The following PPARA variants were observed in gnomAD, a reference collection of about 807,000 sequenced individuals.
PPARA encodes peroxisome proliferator activated receptor alpha.
A neutral mutation model predicts 42.2 loss-of-function variants in PPARA; 22 were observed. The ratio of observed to expected loss-of-function variants is 0.52; its 90% CI spans 0.37 to 0.74. The LOEUF (loss-of-function observed/expected upper bound fraction) is 0.74. PPARA is among the 30% of genes least tolerant of loss of function. The pLI is 0.00. For synonymous variants in PPARA, 242 were observed against 239.3 expected (o/e 1.01, Z -0.10); for missense variants, 465 against 608.2 (o/e 0.76, Z 2.48).
In PPARA at chr22:46,184,424, G is replaced by A. The variant is rs923791668; in HGVS notation, c.-43+7588G>A. On this transcript the variant is annotated intron_variant, in intron 3 of 8. Transcript: ENST00000407236. This position sits in a 1 kb window ranked among gnomAD's most constrained non-coding sequence, Gnocchi z 4.4. ...GTTACCTTTTAGTTACACTAATGGG[G>A]AAAACAGGAGCTTTGCTACCCTTGC... Among the ~76,000 whole-genome samples, 15 of 152,312 alleles carry A rather than the reference G, an allele frequency of 9.8e-5. No homozygotes were observed. The East Asian group carries it at 2.9e-3, about 29-fold the overall frequency.
At chr22:46,213,905 GTTGT>G (rs1246725035) in intron 4 of PPARA, among the ~76,000 whole-genome samples, 1 of 152,104 alleles carries the variant, frequency 6.6e-6, no homozygotes, top group Non-Finnish European at 1.5e-5. Context: ...TTTCAATTGA[GTTGT>G]TTGTTTTAAG....
chr22:46,218,881 T>C (rs919449417), intron 6 of PPARA, among the ~76,000 whole-genome samples: 2 of 135,618 alleles, frequency 1.5e-5, no homozygotes, highest in African/African-American at 5.6e-5. Context: ...AATAAAAGTC[T>C]CCCAGGTGCG....
chr22:46,218,835 CAAAAAA>C (rs749022835), intron 6 of PPARA, among the ~76,000 whole-genome samples: 1 of 69,314 alleles, frequency 1.4e-5, no homozygotes, highest in Non-Finnish European at 2.9e-5. Flanking sequence ...TTCCGTCTCA[CAAAAAA>C]AAAAAAAAGA....
chr22:46,164,683 T>C (rs1926773292), intron 2 of PPARA: 1 of 152,214 alleles, frequency 6.6e-6, no homozygotes, highest in Admixed American at 6.5e-5. Flanking sequence ...TGGCCCAGCA[T>C]AGGAGGTATT....
chr22:46,170,630 C>T (rs571961664), intron 2 of PPARA, among the ~76,000 whole-genome samples: 12 of 151,656 alleles, frequency 7.9e-5, no homozygotes, highest in African/African-American at 1.4e-4. Context: ...TTTTATTGAA[C>T]GTCTGCCTGG....
intron 4 of PPARA, among the ~76,000 whole-genome samples, chr22:46,214,515 G>A (rs1483603579): frequency 7.4e-6 from 1 of 135,748 alleles, no homozygotes; most frequent in Non-Finnish European, 1.6e-5. Context: ...AATGTGCAGA[G>A]CGGAGATGTG....
chr22:46,220,172 A>G (rs1934886742), intron 7 of PPARA, 158 bp downstream of exon 7: 3 of 888,414 alleles, frequency 3.4e-6, no homozygotes, highest in Non-Finnish European at 3.6e-6. Context: ...TGAGACTCTG[A>G]GCTGTAGCTT....
chr22:46,222,604 C>T lies in PPARA; in HGVS notation c.711+2590C>T, dbSNP rs995464751. Among the ~76,000 whole-genome samples the T allele has an allele frequency of 6.6e-6, 1 of 152,136 alleles. No homozygotes were observed. The highest frequency in any genetic ancestry group is 1.9e-4 in the East Asian group (1 of 5,202). ...TCCCAATTAGAACTTTCCTGGATTA[C>T]GAGAGTGAAAGAAAAGGTAACTTTT... On this transcript the variant is annotated intron_variant, in intron 7 of 8. Transcript: ENST00000407236. The surrounding 1 kb of genome is among the most constrained non-coding windows in gnomAD (Gnocchi z 5.9).
chr22:46,220,110 ATATT>A (rs1569241312), intron 7 of PPARA, 96 bp downstream of exon 7: 1 of 1,371,882 alleles, frequency 7.3e-7, no homozygotes, highest in East Asian at 2.4e-5. Flanking sequence ...TGAGAAAATT[ATATT>A]TATCCCACAG....
intron 2 of PPARA, chr22:46,155,025 A>C (rs1925076213): frequency 1.4e-5 from 2 of 142,042 alleles, no homozygotes; most frequent in South Asian, 2.2e-4. Context: ...AAAAAAAAAA[A>C]AACCACATTA....
rs772166504 is a variant in PPARA, at chr22:46,240,118, CTCT to C, written c.*4741_*4743del. ...GCTGGCCACCTTCAACAGCTGGTACCTCTTCAACAGTGTGGCCTTTCAAAATGC... is the reference window on the plus strand; with the variant it reads ...GCTGGCCACCTTCAACAGCTGGTACCTCAACAGTGTGGCCTTTCAAAATGC... On this transcript the variant is annotated 3_prime_UTR_variant, in exon 9 of 9. Coordinates refer to ENST00000407236, the MANE Select transcript of PPARA (RefSeq NM_005036.6). This position sits in a 1 kb window ranked among gnomAD's most constrained non-coding sequence, Gnocchi z 6.0. The C allele has an allele frequency of 2.0e-4, 80 of 398,852 alleles. No homozygotes were observed. Among genetic ancestry groups the C allele is most frequent in the Non-Finnish European group, 2.8e-4 (64 of 226,390 alleles). 24.7% of individuals were successfully genotyped at this position (398,852 alleles called of 1,614,324 possible).
chr22:46,152,905 T>A lies in PPARA; in HGVS notation c.-127+935T>A, dbSNP rs539942071. On this transcript the variant is annotated intron_variant, in intron 2 of 8. Transcript: ENST00000407236. ...TTCGAGACCAGCCTGGCCAACATGG[T>A]GAAACCTTGTCTCTACAAAAAAATA... Among the ~76,000 whole-genome samples the A allele has an allele frequency of 2.3e-3, 350 of 152,208 alleles. 6 individuals are homozygous for A. The highest frequency in any genetic ancestry group is 5.9e-4 in the Non-Finnish European group (40 of 68,008).
intron 1 of PPARA, among the ~76,000 whole-genome samples, chr22:46,151,604 A>G (rs1924443954): frequency 2.0e-5 from 3 of 152,386 alleles, no homozygotes; most frequent in South Asian, 4.1e-4. Context: ...CAGTTGTCCA[A>G]TGGCCTGGGC....
rs1935868305 is a variant in PPARA, at chr22:46,231,489, G to A, written c.712-303G>A. ...ACCCACCTCAGCCTCCCAAAGTTCT[G>A]GGATTACAGGCGTGAGCCACCATGC... On this transcript the variant is annotated intron_variant, in intron 7 of 8. Transcript: ENST00000407236. This position sits in a 1 kb window ranked among gnomAD's most constrained non-coding sequence, Gnocchi z 7.7. Among the ~76,000 whole-genome samples the A allele has an allele frequency of 6.6e-6, 1 of 152,132 alleles. No homozygotes were observed. Among genetic ancestry groups the A allele is most frequent in the South Asian group, 2.1e-4 (1 of 4,828 alleles).
rs549673229 is a variant in PPARA, at chr22:46,161,948, C to T, written c.-127+9978C>T. ...CCCGCCTTCCAGATGTCACCTGGGC[C>T]CTCCCGGAGGCCCTCGCCCTCAGTG... On this transcript the variant is annotated intron_variant, in intron 2 of 8. Transcript: ENST00000407236. The surrounding 1 kb of genome is among the most constrained non-coding windows in gnomAD (Gnocchi z 4.8). Among the ~76,000 whole-genome samples the T allele has an allele frequency of 7.1e-4, 108 of 152,256 alleles. 2 individuals carry two copies. The South Asian group carries it at 0.022, about 31-fold the overall frequency.
At chr22:46,209,800 C>T (rs1933741839) in intron 4 of PPARA, among the ~76,000 whole-genome samples, 1 of 152,126 alleles carries the variant, frequency 6.6e-6, no homozygotes, top group South Asian at 2.1e-4. Flanking sequence ...GGCTGGAGCG[C>T]AGTGGCATGA....
rs1935781716 is a variant in PPARA at position 46,230,354 on chromosome 22, A to G, written c.712-1438A>G. Among the ~76,000 whole-genome samples, 1 of 148,860 alleles carries G rather than the reference A, an allele frequency of 6.7e-6. No individual in the cohort carries two copies. The highest frequency in any genetic ancestry group is 1.5e-5 in the Non-Finnish European group (1 of 67,840). On this transcript the variant is annotated intron_variant, in intron 7 of 8. Coordinates refer to ENST00000407236, the MANE Select transcript of PPARA (RefSeq NM_005036.6). The surrounding 1 kb of genome is among the most constrained non-coding windows in gnomAD (Gnocchi z 5.0). ...CCATTGCACTCCAGCCTGGGCAACA[A>G]GAGCAAAACTCTGTCTCAAAAAAAA... is the stretch of plus-strand genomic sequence containing the variant.
rs1936074616 is a variant in PPARA at position 46,234,232 on chromosome 22, C to T, written c.1160-901C>T. On this transcript the variant is annotated intron_variant, in intron 8 of 8. Transcript: ENST00000407236. This position sits in a 1 kb window ranked among gnomAD's most constrained non-coding sequence, Gnocchi z 5.8. ...TTCCAGTCCAGCCTAAGCAACAGAGCAAGACCCCATCACTAAAACAATACA... is the reference window on the plus strand; with the variant it reads ...TTCCAGTCCAGCCTAAGCAACAGAGTAAGACCCCATCACTAAAACAATACA... Among the ~76,000 whole-genome samples the T allele has an allele frequency of 6.6e-6, 1 of 152,090 alleles. No individual in the cohort carries two copies. The highest frequency in any genetic ancestry group is 2.4e-5 in the African/African-American group (1 of 41,414).
At chr22:46,228,557 C>T (rs1358430547) in intron 7 of PPARA, among the ~76,000 whole-genome samples, 1 of 151,706 alleles carries the variant, frequency 6.6e-6, no homozygotes, top group Non-Finnish European at 1.5e-5. Flanking sequence ...ACCAAGGGGT[C>T]CCACATTTGC....
Sources: allele counts gnomAD v4.1 joint callset (sites outside exome capture counted in the v4.1 genomes callset), GRCh38; gene constraint gnomAD v4.1.1; non-coding constraint Gnocchi (gnomAD v3.1); transcripts MANE v1.5; gene names NCBI Gene and HGNC (gene_info 2026-07-23, HGNC 2026-07-21).